IFT74: variants seen among roughly 807,000 people sequenced by gnomAD.
IFT74 encodes intraflagellar transport protein 74 homolog.
IFT74 carries 92 observed loss-of-function variants against 96.7 expected under a neutral mutation model. The observed-to-expected ratio is 0.95, with a 90% CI of 0.80 to 1.13. The LOEUF (loss-of-function observed/expected upper bound fraction) is 1.13, where lower values mean the gene tolerates loss of function less well. IFT74 is among the 50% of genes most tolerant of loss of function. The pLI is 0.00. For synonymous variants in IFT74, 223 were observed against 213.2 expected (o/e 1.05, Z -0.40); for missense variants, 811 against 698.2 (o/e 1.16, Z -1.82).
intron 1 of IFT74, among the ~76,000 whole-genome samples, chr9:26,957,500 C>CAGGG (rs1192213291): frequency 6.6e-6 from 1 of 152,130 alleles, no homozygotes; most frequent in Non-Finnish European, 1.5e-5. Flanking sequence ...GAATTAGAAT[C>CAGGG]AGGGAGCTAG....
chr9:26,995,399 A>G, intron 8 of IFT74: 1 of 623,154 alleles, frequency 1.6e-6, no homozygotes, highest in Non-Finnish European at 2.8e-6. Context: ...TATGATATTC[A>G]TGTATGTTGT....
chr9:27,056,360 A>G lies in IFT74; in HGVS notation c.1524A>G (p.Leu508=). The G allele has an allele frequency of 6.3e-7, 1 of 1,589,988 alleles. No homozygotes were observed. The highest frequency in any genetic ancestry group is 8.6e-7 in the Non-Finnish European group (1 of 1,163,560). Residue 508 remains leucine (L), a synonymous_variant, in exon 18 of 20, where the codon TTA becomes TTG. Coordinates refer to ENST00000380062, the MANE Select transcript of IFT74 (RefSeq NM_025103.4). ...IKKLHQERMI[L]STHRNAFKKI... is the part of the protein sequence containing the mutation. ...AATTACATCAGGAGAGAATGATATT[A>G]TCAACCCACAGAAATGCCTTTAAGA...
chr9:26,996,328 T>C (rs753482049), intron 8 of IFT74: 1 of 1,593,794 alleles, frequency 6.3e-7, no homozygotes, highest in Non-Finnish European at 8.6e-7. Context: ...TCTTGTTAAG[T>C]TGTTCGAAGA....
intron 2 of IFT74, among the ~76,000 whole-genome samples, chr9:26,970,889 T>C (rs954060298): frequency 6.6e-6 from 1 of 152,200 alleles, no homozygotes; most frequent in Non-Finnish European, 1.5e-5. Flanking sequence ...TAACCGGGTT[T>C]CTAGGACTGA....
At chr9:27,006,122 G>A (rs996729914) in intron 8 of IFT74, among the ~76,000 whole-genome samples, 1 of 152,102 alleles carries the variant, frequency 6.6e-6, no homozygotes, top group Non-Finnish European at 1.5e-5. Context: ...GGGATTACAA[G>A]TGTGAGCCAC....
intron 8 of IFT74, among the ~76,000 whole-genome samples, chr9:26,999,070 C>T (rs986131256): frequency 6.6e-6 from 1 of 152,116 alleles, no homozygotes; most frequent in African/African-American, 2.4e-5. Flanking sequence ...TTTAACAGCT[C>T]AAAGTTTGGT....
intron 12 of IFT74, 74 bp downstream of exon 12, chr9:27,018,761 G>T: frequency 1.2e-6 from 1 of 860,976 alleles, no homozygotes. Context: ...GTACAGGAGT[G>T]GCTTTCATTC....
chr9:27,062,214 A>G (rs1820457673), intron 19 of IFT74, among the ~76,000 whole-genome samples: 1 of 152,188 alleles, frequency 6.6e-6, no homozygotes, highest in Non-Finnish European at 1.5e-5. Flanking sequence ...TGTGCAACAT[A>G]AAGTAGGTGA....
chr9:26,967,813 A>G (rs931078554), intron 2 of IFT74, among the ~76,000 whole-genome samples: 1 of 152,168 alleles, frequency 6.6e-6, no homozygotes, highest in African/African-American at 2.4e-5. Context: ...GAGATGTTAA[A>G]TGTCATCAAA....
At chr9:26,965,489 T>G (rs968294301) in intron 2 of IFT74, among the ~76,000 whole-genome samples, 1 of 152,128 alleles carries the variant, frequency 6.6e-6, no homozygotes, top group Non-Finnish European at 1.5e-5. Flanking sequence ...TAGACTGAAA[T>G]AATTTTTCTG....
chr9:26,947,888 C>A (rs1267551112), intron 1 of IFT74, among the ~76,000 whole-genome samples: 1 of 152,088 alleles, frequency 6.6e-6, no homozygotes, highest in Non-Finnish European at 1.5e-5. Context: ...AGCTGAGATA[C>A]GTATTTTTAA....
chr9:26,965,600 C>G (rs1402242693), intron 2 of IFT74, among the ~76,000 whole-genome samples: 1 of 151,946 alleles, frequency 6.6e-6, no homozygotes, highest in Non-Finnish European at 1.5e-5. Flanking sequence ...TATTGGCCAC[C>G]TACTATTTGC....
intron 2 of IFT74, among the ~76,000 whole-genome samples, chr9:26,962,956 T>A (rs1587239565): frequency 6.6e-6 from 1 of 151,796 alleles, no homozygotes. Context: ...TTCTTTTTTT[T>A]ATTTTTATTT....
chr9:26,953,574 T>C (rs1318252757), upstream of IFT74, among the ~76,000 whole-genome samples: 1 of 152,262 alleles, frequency 6.6e-6, no homozygotes, highest in African/African-American at 2.4e-5. Flanking sequence ...TTTCAGTTGA[T>C]GTACATATTC....
At chr9:27,029,360 CAG>C (rs1563987169) in intron 13 of IFT74, among the ~76,000 whole-genome samples, 2 of 151,122 alleles carry the variant, frequency 1.3e-5, no homozygotes, top group African/African-American at 4.9e-5. Flanking sequence ...TTTACAAAAA[CAG>C]AAGTAAAATG....
chr9:26,980,663 A>G, intron 4 of IFT74, 44 bp downstream of exon 4: 2 of 1,239,450 alleles, frequency 1.6e-6, no homozygotes, highest in Non-Finnish European at 2.3e-6. Context: ...TACTCGAAAT[A>G]TTGTGTACCT....
chr9:26,999,770 CTTTTTTTTTTT>C (rs1179000269), intron 8 of IFT74: 3 of 339,602 alleles, frequency 8.8e-6, no homozygotes, highest in East Asian at 7.9e-5. Flanking sequence ...TCTGTTTATT[CTTTTTTTTTTT>C]TTTTTTTTTT....
chr9:26,949,177 A>G, intron 1 of IFT74, among the ~76,000 whole-genome samples: 1 of 152,094 alleles, frequency 6.6e-6, no homozygotes. Context: ...ACTGCCTCCT[A>G]TATAATAGGA....
chr9:26,979,799 G>A (rs944904295), intron 3 of IFT74, among the ~76,000 whole-genome samples: 2 of 129,422 alleles, frequency 1.5e-5, no homozygotes, highest in Non-Finnish European at 3.1e-5. Flanking sequence ...TGCAACCTCC[G>A]CATCCCAGAT....
Sources: allele counts gnomAD v4.1 joint callset (sites outside exome capture counted in the v4.1 genomes callset), GRCh38; gene constraint gnomAD v4.1.1; transcripts MANE v1.5; gene names NCBI Gene and HGNC (gene_info 2026-07-23, HGNC 2026-07-21).